The following TMPO variants were observed in gnomAD, a reference collection of about 807,000 sequenced individuals.
TMPO encodes LEM domain containing 4.
Under a neutral mutation model 45.4 loss-of-function variants are expected in TMPO, and 22 were observed. The ratio of observed to expected loss-of-function variants is 0.48; its 90% CI spans 0.35 to 0.69. The LOEUF is 0.69. TMPO is among the 30% of genes least tolerant of loss of function. TMPO has a pLI of 0.01. For missense variants in TMPO, 512 were observed against 548.8 expected (o/e 0.93, Z 0.67); for synonymous variants, 241 against 204.1 (o/e 1.18, Z -1.54).
chr12:98,545,178 G>A, intron 7 of TMPO, 117 bp downstream of exon 7: 1 of 690,986 alleles, frequency 1.4e-6, no homozygotes, highest in South Asian at 1.7e-5. Context: ...TTTCTTTATT[G>A]GGTGGTGTGT....
Position 98,549,399 on chromosome 12 carries a change from TG to T in TMPO, c.*1542del, listed in dbSNP as rs1240909538. 1 of 131,418 alleles carries T rather than the reference TG, an allele frequency of 7.6e-6. No homozygotes were observed. Among genetic ancestry groups the T allele is most frequent in the Non-Finnish European group, 1.7e-5 (1 of 59,958 alleles). The allele number at this position is 131,418 out of a possible 1,614,324, so 8.1% of individuals were successfully genotyped here. A position where few individuals can be genotyped will look rare whatever the true frequency, so the allele number is the denominator to read the frequency against. On this transcript the variant is annotated 3_prime_UTR_variant, in exon 9 of 9. Coordinates refer to ENST00000556029, the MANE Select transcript of TMPO (RefSeq NM_001032283.3). The stretch of plus-strand genomic sequence containing the variant: ...CTGGTCTCGAACCCCTGACCTCAAG[TG>T]ATCAGCCCACCTCAGCTTCCCAAAG...
At chr12:98,536,176 C>A (rs1877554379) in intron 3 of TMPO, among the ~76,000 whole-genome samples, 1 of 152,182 alleles carries the variant, frequency 6.6e-6, no homozygotes, top group African/African-American at 2.4e-5. Flanking sequence ...GTTAGCAAGA[C>A]ACATATAGAT....
intron 4 of TMPO, among the ~76,000 whole-genome samples, chr12:98,538,073 G>A (rs753957493): frequency 1.8e-4 from 27 of 152,224 alleles, no homozygotes; most frequent in Admixed American, 5.2e-4. Flanking sequence ...TGGGAGAGGC[G>A]TTTCAGTTTT....
chr12:98,541,696 AT>A (rs1285038150), intron 4 of TMPO, among the ~76,000 whole-genome samples: 3 of 152,048 alleles, frequency 2.0e-5, no homozygotes, highest in Non-Finnish European at 4.4e-5. Context: ...TTCTTTTATT[AT>A]TTTTTAATTG....
At chr12:98,521,696 G>A (rs1320512145) in intron 1 of TMPO, among the ~76,000 whole-genome samples, 1 of 152,112 alleles carries the variant, frequency 6.6e-6, no homozygotes, top group East Asian at 1.9e-4. Context: ...TGGATCTAGT[G>A]GAGCATAATA....
intron 1 of TMPO, chr12:98,527,525 TAAAAAAAAAAA>T (rs145065353): frequency 6.3e-6 from 1 of 158,226 alleles, no homozygotes; most frequent in Non-Finnish European, 1.2e-5. Flanking sequence ...CCTGTATCAT[TAAAAAAAAAAA>T]AAAAAAGGTT....
intron 4 of TMPO, among the ~76,000 whole-genome samples, chr12:98,539,363 A>C (rs1435586657): frequency 1.3e-5 from 2 of 152,020 alleles, no homozygotes; most frequent in Non-Finnish European, 2.9e-5. Flanking sequence ...AAACATGTAG[A>C]AGAGTGGAGG....
intron 1 of TMPO, 199 bp downstream of exon 1, chr12:98,516,345 G>C (rs921053017): frequency 8.2e-7 from 1 of 1,221,224 alleles, no homozygotes. Flanking sequence ...GGGCCGCGGG[G>C]TTCGCGTTCT....
intron 1 of TMPO, among the ~76,000 whole-genome samples, chr12:98,518,517 T>TA (rs1876072658): frequency 6.7e-6 from 1 of 148,720 alleles, no homozygotes. Context: ...TTCTGTGTTG[T>TA]CCAGGCTGGT....
chr12:98,544,629 A>C (rs1476619464), intron 6 of TMPO, 92 bp downstream of exon 6: 6 of 1,041,354 alleles, frequency 5.8e-6, no homozygotes, highest in Non-Finnish European at 8.3e-6. Context: ...GCAAATCTCA[A>C]ATTTACATGT....
At chr12:98,541,680 T>C (rs1877922922) in intron 4 of TMPO, among the ~76,000 whole-genome samples, 1 of 152,230 alleles carries the variant, frequency 6.6e-6, no homozygotes, top group Non-Finnish European at 1.5e-5. Flanking sequence ...ATGCTAGGAT[T>C]GCTTTTTCTT....
chr12:98,544,937 T>G lies in TMPO; in HGVS notation c.880-14T>G. 1 of 1,568,322 alleles carries G rather than the reference T, an allele frequency of 6.4e-7. No homozygotes were observed. Among genetic ancestry groups the G allele is most frequent in the East Asian group, 2.2e-5 (1 of 44,614 alleles). On this transcript the variant is annotated splice_polypyrimidine_tract_variant and intron_variant, in intron 6 of 8. Coordinates refer to ENST00000556029, the MANE Select transcript of TMPO (RefSeq NM_001032283.3). ...TTGGATAATTCTGAGTCTGAATAAT[T>G]TGAATCTTGGCAGGTTGTCAATAGG...
chr12:98,531,363 A>G (rs182698760), intron 2 of TMPO, among the ~76,000 whole-genome samples: 2 of 150,674 alleles, frequency 1.3e-5, no homozygotes, highest in Admixed American at 6.6e-5. Context: ...CAGCCTCCCA[A>G]GTAGCTGGGA....
chr12:98,544,644 T>C (rs1393626955), intron 6 of TMPO, 107 bp downstream of exon 6: 1 of 964,762 alleles, frequency 1.0e-6, no homozygotes, highest in African/African-American at 1.7e-5. Flanking sequence ...ACATGTTTTT[T>C]TTTTTTAACA....
chr12:98,544,844 TAAGGGAA>T, intron 6 of TMPO, 100 bp from the exon 7 acceptor site: 1 of 954,554 alleles, frequency 1.0e-6, no homozygotes, highest in South Asian at 1.3e-5. Flanking sequence ...AAATCTTTAC[TAAGGGAA>T]AATTTCTAAT....
At chr12:98,547,431 A>AC in intron 8 of TMPO, 142 bp from the exon 9 acceptor site, 3 of 960,874 alleles carry the variant, frequency 3.1e-6, no homozygotes, top group Non-Finnish European at 4.6e-6. Context: ...GACTGACCTC[A>AC]CTGCTTTATA....
chr12:98,521,727 G>A (rs905869399), intron 1 of TMPO, among the ~76,000 whole-genome samples: 25 of 152,000 alleles, frequency 1.6e-4, no homozygotes, highest in African/African-American at 6.0e-4. Flanking sequence ...ATCTGTTCTG[G>A]TGAATTATGA....
Position 98,527,878 on chromosome 12 carries a change from G to C in TMPO, c.280-8G>C. On this transcript the variant is annotated splice_region_variant and splice_polypyrimidine_tract_variant and intron_variant, in intron 1 of 8. Coordinates refer to ENST00000556029, the MANE Select transcript of TMPO (RefSeq NM_001032283.3). ...CATATGGAAATGATTACTGGACTTT[G>C]TTTACAGAAAGCCACAAAAAAAACT... is the stretch of plus-strand genomic sequence containing the variant. 8 of 1,613,344 alleles carry C rather than the reference G, an allele frequency of 5.0e-6. No homozygotes were observed. Among genetic ancestry groups the C allele is most frequent in the Non-Finnish European group, 6.8e-6 (8 of 1,179,738 alleles).
Position 98,516,103 on chromosome 12 carries a change from C to T in TMPO, c.236C>T (p.Ser79Phe), listed in dbSNP as rs757406049. ...EEREPTPVLGSGAAAAGRSRA... is the reference protein window; with the variant it reads ...EEREPTPVLGFGAAAAGRSRA... Reference sequence around the variant, plus strand: ...CGCGAGCCCACCCCGGTCCTCGGCTCTGGGGCCGCCGCCGCGGGCCGGAGC... The same window carrying T: ...CGCGAGCCCACCCCGGTCCTCGGCTTTGGGGCCGCCGCCGCGGGCCGGAGC... The change falls in exon 1 of 9, where the codon TCT becomes TTT. Residue 79 changes from serine to phenylalanine, a missense_variant. Ser to Phe is a radical substitution (Grantham distance 155). Around this residue, in one of 3 missense-constraint regions of TMPO, gnomAD observed 299 missense variants for 296.7 expected, o/e 1.01. Transcript: ENST00000556029. The T allele has an allele frequency of 5.2e-6, 8 of 1,551,150 alleles. No homozygotes were observed. Among genetic ancestry groups the T allele is most frequent in the Middle Eastern group, 1.8e-4 (1 of 5,684 alleles).
Sources: allele counts gnomAD v4.1 joint callset (sites outside exome capture counted in the v4.1 genomes callset), GRCh38; gene constraint gnomAD v4.1.1; regional missense constraint gnomAD v4.1.1; transcripts MANE v1.5; gene names NCBI Gene and HGNC (gene_info 2026-07-23, HGNC 2026-07-21).